Variants in GALNT13 observed in about 807,000 individuals in gnomAD.
GALNT13 encodes polypeptide N-acetylgalactosaminyltransferase 13.
Under a neutral mutation model 64.2 loss-of-function variants are expected in GALNT13, and 28 were observed. That is an observed-to-expected ratio of 0.44 (90% CI 0.32 to 0.60). The LOEUF is 0.60. GALNT13 is among the 20% of genes least tolerant of loss of function. The probability of loss-of-function intolerance (pLI) is 0.05; values close to 1 mark genes in which losing one functional copy is unlikely to be tolerated. For synonymous variants in GALNT13, 214 were observed against 224.6 expected, an observed-to-expected ratio of 0.95 and a Z score of 0.42; for missense variants, 577 against 669.8, an observed-to-expected ratio of 0.86 and a Z score of 1.53.
At chr2:154,324,685 C>T (rs1387355502) in intron 9 of GALNT13, among the ~76,000 whole-genome samples, 1 of 152,022 alleles carries the variant, frequency 6.6e-6, no homozygotes, top group African/African-American at 2.4e-5. Context: ...ACCAGTGAGC[C>T]AGTCTTGCCT....
At chr2:153,257,294 C>A in the GALNT13 span, among the ~76,000 whole-genome samples, 1 of 152,192 alleles carries the variant, frequency 6.6e-6, no homozygotes, top group African/African-American at 2.4e-5. Context: ...TGAGGCAATG[C>A]CTCGCCCTGC....
At chr2:153,087,730 TC>T in the GALNT13 span, among the ~76,000 whole-genome samples, 1 of 152,186 alleles carries the variant, frequency 6.6e-6, no homozygotes, top group Non-Finnish European at 1.5e-5. Context: ...GTTATCCATC[TC>T]CTCTAGATTT....
At chr2:153,668,590 G>A in the GALNT13 span, among the ~76,000 whole-genome samples, 3 of 152,100 alleles carry the variant, frequency 2.0e-5, no homozygotes, top group Admixed American at 6.5e-5. Context: ...GATGGAGGGA[G>A]GAAAGAGACA....
intron 3 of GALNT13, among the ~76,000 whole-genome samples, chr2:154,048,312 C>A (rs1238444364): frequency 6.6e-6 from 1 of 152,166 alleles, no homozygotes; most frequent in Admixed American, 6.5e-5. Flanking sequence ...TATTACAATT[C>A]TGTATGAGAC....
intron 9 of GALNT13, among the ~76,000 whole-genome samples, chr2:154,343,585 A>G (rs561811923): frequency 2.0e-5 from 3 of 152,206 alleles, no homozygotes; most frequent in African/African-American, 4.8e-5. Flanking sequence ...TCAATAAACT[A>G]CAGGCATGCC....
intron 3 of GALNT13, among the ~76,000 whole-genome samples, chr2:153,996,469 G>T (rs1177671629): frequency 6.6e-6 from 1 of 151,960 alleles, no homozygotes; most frequent in Non-Finnish European, 1.5e-5. Flanking sequence ...CTGGTCATTT[G>T]CATGTCTTCT....
chr2:153,781,623 T>C, the GALNT13 span, among the ~76,000 whole-genome samples: 1 of 152,244 alleles, frequency 6.6e-6, no homozygotes, highest in East Asian at 1.9e-4. Flanking sequence ...ACACAAAATA[T>C]TTTTTATGTT....
the GALNT13 span, among the ~76,000 whole-genome samples, chr2:153,377,960 G>T: frequency 1.3e-5 from 2 of 151,964 alleles, no homozygotes; most frequent in Non-Finnish European, 2.9e-5. Context: ...TATTCTTTCA[G>T]CAAAGGGTAT....
At chr2:154,177,262 A>T (rs527633968) in intron 4 of GALNT13, among the ~76,000 whole-genome samples, 37 of 152,304 alleles carry the variant, frequency 2.4e-4, no homozygotes, top group African/African-American at 7.5e-4. Context: ...GACATGGAGG[A>T]ACCTAAAATG....
At chr2:153,589,931 G>C in the GALNT13 span, among the ~76,000 whole-genome samples, 52 of 152,096 alleles carry the variant, frequency 3.4e-4, no homozygotes, top group African/African-American at 1.2e-3. Flanking sequence ...AAAATTAAAA[G>C]TCAACAACAT....
At chr2:153,695,357 G>A in the GALNT13 span, among the ~76,000 whole-genome samples, 1 of 152,192 alleles carries the variant, frequency 6.6e-6, no homozygotes, top group Non-Finnish European at 1.5e-5. Flanking sequence ...ATAGATACTA[G>A]TCAAGGGCCT....
At chr2:154,243,400 G>A (rs949505484) in intron 6 of GALNT13, among the ~76,000 whole-genome samples, 1 of 151,884 alleles carries the variant, frequency 6.6e-6, no homozygotes, top group Non-Finnish European at 1.5e-5. Context: ...CCCTTAGTCA[G>A]TCTAGTTCAA....
At chr2:153,773,520 A>G in the GALNT13 span, among the ~76,000 whole-genome samples, 1 of 152,248 alleles carries the variant, frequency 6.6e-6, no homozygotes, top group African/African-American at 2.4e-5. Context: ...TATGTGGAAT[A>G]GAATATAGAT....
At chr2:153,562,217 T>G in the GALNT13 span, among the ~76,000 whole-genome samples, 940 of 152,216 alleles carry the variant, frequency 6.2e-3, 5 homozygotes, top group Non-Finnish European at 0.01. Context: ...AATAGTCCAG[T>G]GTGTACTGAA....
the GALNT13 span, among the ~76,000 whole-genome samples, chr2:153,615,130 G>A: frequency 1.3e-5 from 2 of 152,018 alleles, no homozygotes; most frequent in Non-Finnish European, 2.9e-5. Context: ...AACATACCAT[G>A]TTTGTCTTTC....
At chr2:153,459,098 T>C in the GALNT13 span, among the ~76,000 whole-genome samples, 6,134 of 152,162 alleles carry the variant, frequency 0.04, 378 homozygotes, top group African/African-American at 0.13. Flanking sequence ...TAAGGTTTCA[T>C]GAAACTCATT....
chr2:153,456,862 C>T, the GALNT13 span, among the ~76,000 whole-genome samples: 1 of 152,150 alleles, frequency 6.6e-6, no homozygotes, highest in Non-Finnish European at 1.5e-5. Flanking sequence ...CTGGATTACA[C>T]ATGCGGATGA....
At chr2:154,421,823 T>C (rs1559146036) in intron 11 of GALNT13, among the ~76,000 whole-genome samples, 1 of 152,106 alleles carries the variant, frequency 6.6e-6, no homozygotes, top group Admixed American at 6.6e-5. Flanking sequence ...TAGATATCGC[T>C]GTTTAAATCC....
the GALNT13 span, among the ~76,000 whole-genome samples, chr2:153,419,232 C>T: frequency 4.6e-5 from 7 of 152,106 alleles, no homozygotes; most frequent in Non-Finnish European, 1.0e-4. Flanking sequence ...GCAAAAGGGG[C>T]TTATAAAACC....
Sources: allele counts gnomAD v4.1 joint callset (sites outside exome capture counted in the v4.1 genomes callset), GRCh38; gene constraint gnomAD v4.1.1; transcripts MANE v1.5; gene names NCBI Gene and HGNC (gene_info 2026-07-23, HGNC 2026-07-21).